The following PDE1C variants were observed in gnomAD, a reference collection of about 807,000 sequenced individuals.
PDE1C encodes dual specificity calcium/calmodulin-dependent 3',5'-cyclic nucleotide phosphodiesterase 1C.
PDE1C carries 62 observed loss-of-function variants against 93.1 expected under a neutral mutation model. The observed-to-expected ratio is 0.67, with a 90% CI of 0.54 to 0.82. The LOEUF is 0.82. Among genes scored for constraint, PDE1C ranks in the 40% least tolerant of loss-of-function variants. PDE1C has a pLI of 0.00. For synonymous variants in PDE1C, 325 were observed against 310.1 expected, an observed-to-expected ratio of 1.05 and a Z score of -0.50; for missense variants, 742 against 884.6, an observed-to-expected ratio of 0.84 and a Z score of 2.04.
At chr7:31,643,743 T>C in the PDE1C span, 1 of 1,614,052 alleles carries the variant, frequency 6.2e-7, no homozygotes, top group Non-Finnish European at 8.5e-7. Context: ...GCTTCTCTAG[T>C]ATCTGCCCAA....
chr7:31,837,697 T>G (rs1562893743), intron 10 of PDE1C, among the ~76,000 whole-genome samples, 173 bp downstream of exon 10: 1 of 152,234 alleles, frequency 6.6e-6, no homozygotes, highest in Non-Finnish European at 1.5e-5. Flanking sequence ...GATGAGAACA[T>G]ACCTTATTGT....
At chr7:31,709,139 C>T in the PDE1C span, among the ~76,000 whole-genome samples, 22 of 152,190 alleles carry the variant, frequency 1.4e-4, no homozygotes, top group Non-Finnish European at 2.9e-4. Context: ...CAGAGTACAC[C>T]TGTAGCCATG....
chr7:31,647,144 C>T, the PDE1C span, among the ~76,000 whole-genome samples: 9 of 152,186 alleles, frequency 5.9e-5, no homozygotes, highest in African/African-American at 1.4e-4. Flanking sequence ...GACAGGAGAC[C>T]GCTTAAAGAC....
the PDE1C span, among the ~76,000 whole-genome samples, chr7:31,658,013 G>C: frequency 6.6e-6 from 1 of 152,102 alleles, no homozygotes; most frequent in Non-Finnish European, 1.5e-5. Flanking sequence ...CAAAAGCTTT[G>C]AATAGGTAAG....
intron 1 of PDE1C, among the ~76,000 whole-genome samples, chr7:32,412,524 T>C (rs1428859397): frequency 1.3e-5 from 2 of 151,834 alleles, no homozygotes; most frequent in African/African-American, 4.8e-5. Flanking sequence ...CATTATCAAG[T>C]GTTATGTAGT....
intron 2 of PDE1C, among the ~76,000 whole-genome samples, chr7:31,901,551 A>C (rs1252614355): frequency 6.6e-6 from 1 of 151,190 alleles, no homozygotes; most frequent in Non-Finnish European, 1.5e-5. Context: ...TAAAGATATA[A>C]ATTTCTCCTC....
At chr7:31,822,893 G>A (rs1789152499) in intron 14 of PDE1C, among the ~76,000 whole-genome samples, 180 bp downstream of exon 14, 1 of 152,172 alleles carries the variant, frequency 6.6e-6, no homozygotes, top group African/African-American at 2.4e-5. Flanking sequence ...TTGCAGGTCT[G>A]CTGCATTTTA....
In PDE1C at chr7:32,259,600, C is replaced by T. The variant is rs142521688; in HGVS notation, c.85+39051G>A. ...TTCTGGCTTAAAATCTCATGGGTTT[C>T]TCACTACCCTGGGCTGAAATTTTAA... On this transcript the variant is annotated intron_variant, in intron 1 of 18. Transcript: ENST00000396193. Among the ~76,000 whole-genome samples, 51 of 152,266 alleles carry T rather than the reference C, an allele frequency of 3.3e-4. 1 individual carries two copies. Among genetic ancestry groups the T allele is most frequent in the African/African-American group, 1.1e-3 (45 of 41,554 alleles).
At chr7:31,630,600 G>A in the PDE1C span, among the ~76,000 whole-genome samples, 4 of 152,074 alleles carry the variant, frequency 2.6e-5, no homozygotes, top group South Asian at 2.1e-4. Context: ...GAACAACAGG[G>A]AAGATCTGCA....
intron 2 of PDE1C, among the ~76,000 whole-genome samples, chr7:32,050,002 C>T (rs972302433): frequency 2.0e-5 from 3 of 152,138 alleles, no homozygotes; most frequent in Middle Eastern, 3.2e-3. Flanking sequence ...CCTATTGCTC[C>T]TAGGCTACAA....
chr7:31,796,353 C>T (rs773372311), intron 16 of PDE1C, among the ~76,000 whole-genome samples: 2 of 151,450 alleles, frequency 1.3e-5, no homozygotes, highest in African/African-American at 2.4e-5. Context: ...TATTTTCATA[C>T]TACAAACATG....
the PDE1C span, among the ~76,000 whole-genome samples, chr7:31,690,744 C>T: frequency 2.6e-5 from 4 of 152,160 alleles, no homozygotes; most frequent in Non-Finnish European, 1.5e-5. Flanking sequence ...AAGGTACTAA[C>T]AGCAGATAGG....
intron 2 of PDE1C, among the ~76,000 whole-genome samples, chr7:32,047,484 T>C (rs1035897963): frequency 1.3e-5 from 2 of 152,186 alleles, no homozygotes; most frequent in South Asian, 4.1e-4. Context: ...ATTCCCTTGC[T>C]AACCCGATAA....
intron 2 of PDE1C, among the ~76,000 whole-genome samples, chr7:31,978,898 G>T (rs940251746): frequency 6.6e-6 from 1 of 151,976 alleles, no homozygotes; most frequent in Non-Finnish European, 1.5e-5. Context: ...CATCACATTC[G>T]GAAAGGTTTG....
chr7:31,990,571 T>C (rs1397901163), intron 2 of PDE1C, among the ~76,000 whole-genome samples: 1 of 152,176 alleles, frequency 6.6e-6, no homozygotes, highest in African/African-American at 2.4e-5. Flanking sequence ...AAGCTGGGGT[T>C]CGATTTAAAA....
At chr7:31,971,683 G>A (rs1421644954) in intron 2 of PDE1C, among the ~76,000 whole-genome samples, 2 of 152,186 alleles carry the variant, frequency 1.3e-5, no homozygotes, top group African/African-American at 4.8e-5. Flanking sequence ...CAGGCTTCTG[G>A]GTGAACCCAG....
chr7:31,793,921 CTCA>C (rs1784879358), intron 16 of PDE1C, among the ~76,000 whole-genome samples: 1 of 151,686 alleles, frequency 6.6e-6, no homozygotes, highest in African/African-American at 2.4e-5. Context: ...ACAAAATCCT[CTCA>C]TCATGTATTA....
chr7:31,818,267 T>C (rs1788513113), intron 14 of PDE1C, among the ~76,000 whole-genome samples: 1 of 152,198 alleles, frequency 6.6e-6, no homozygotes, highest in African/African-American at 2.4e-5. Context: ...AAGGTACAAC[T>C]ACAGAGTGAA....
chr7:31,795,891 T>A (rs1785227704), intron 16 of PDE1C, among the ~76,000 whole-genome samples: 1 of 151,610 alleles, frequency 6.6e-6, no homozygotes, highest in Non-Finnish European at 1.5e-5. Context: ...CATGGTTGGG[T>A]CAACCTACAG....
Sources: gnomAD v4.1 joint callset for allele counts (sites outside exome capture counted in the v4.1 genomes callset) on GRCh38, gnomAD v4.1.1 for gene constraint, MANE v1.5 for transcripts, NCBI Gene and HGNC (gene_info 2026-07-23, HGNC 2026-07-21) for gene names.